C11orf65: variants seen among roughly 807,000 people sequenced by gnomAD.
C11orf65 encodes protein MFI.
Under a neutral mutation model 35.3 loss-of-function variants are expected in C11orf65, and 38 were observed. That is an observed-to-expected ratio of 1.08 (90% confidence interval 0.83 to 1.41). The LOEUF (loss-of-function observed/expected upper bound fraction) is 1.41. Ranked by LOEUF, C11orf65 falls within the 40% of genes most tolerant of loss-of-function variation. C11orf65 has a pLI of 0.00. For synonymous variants in C11orf65, 105 were observed against 114.4 expected (o/e 0.92, Z 0.53); for missense variants, 370 against 367.1 (o/e 1.01, Z -0.06).
intron 6 of C11orf65, among the ~76,000 whole-genome samples, chr11:108,403,563 T>G (rs777507253): frequency 6.6e-6 from 1 of 152,088 alleles, no homozygotes; most frequent in African/African-American, 2.4e-5. Flanking sequence ...TTCTATGTCC[T>G]CTTTAAAAAA....
intron 6 of C11orf65, among the ~76,000 whole-genome samples, chr11:108,401,913 T>C (rs1460350464): frequency 6.6e-6 from 1 of 152,226 alleles, no homozygotes; most frequent in Non-Finnish European, 1.5e-5. Flanking sequence ...GGCCAAAGCA[T>C]TAAATCCACA....
intron 6 of C11orf65, among the ~76,000 whole-genome samples, chr11:108,311,768 T>C (rs1177302171): frequency 1.3e-5 from 2 of 152,112 alleles, no homozygotes; most frequent in Non-Finnish European, 2.9e-5. Context: ...GTATCACTTA[T>C]GATAGTATTT....
In C11orf65 at chr11:108,335,049, T is replaced by A. The variant is rs756887364; in HGVS notation, c.299+171A>T. The A allele has an allele frequency of 1.2e-6, 2 of 1,614,084 alleles. No homozygotes were observed. Among genetic ancestry groups the A allele is most frequent in the Non-Finnish European group, 1.7e-6 (2 of 1,180,002 alleles). On this transcript the variant is annotated intron_variant, in intron 3 of 3. Transcript: ENST00000524755. ...AATTTCGCTTAGCAGGAGGTGTAAA[T>A]TTACCAAAAATAATAGATTGTGTAG...
At chr11:108,435,634 T>C (rs1269511390) in intron 2 of C11orf65, among the ~76,000 whole-genome samples, 1 of 151,956 alleles carries the variant, frequency 6.6e-6, no homozygotes, top group African/African-American at 2.4e-5. Flanking sequence ...GAATATGAAA[T>C]AGCTAGTGGA....
chr11:108,408,473 C>T (rs747144060), intron 3 of C11orf65, among the ~76,000 whole-genome samples: 4 of 151,498 alleles, frequency 2.6e-5, no homozygotes, highest in Admixed American at 6.6e-5. Flanking sequence ...TCAGGAGTTC[C>T]AAAGCCAGCC....
intron 2 of C11orf65, among the ~76,000 whole-genome samples, chr11:108,350,171 TAGTGG>T (rs1462910085): frequency 3.3e-5 from 5 of 152,196 alleles, no homozygotes; most frequent in African/African-American, 1.2e-4. Context: ...CCTAAATTTG[TAGTGG>T]AGCCAATAGG....
rs1555142824 is a variant in C11orf65 at position 108,353,800 on chromosome 11, T to C, written c.227-18508A>G. On this transcript the variant is annotated intron_variant, in intron 2 of 3. Transcript: ENST00000524755. ...TTGAACAGGGCAAAATCCTTCCTACTCCTGAGACAGTTCCTTTTAGACTCA... is the reference window on the plus strand; with the variant it reads ...TTGAACAGGGCAAAATCCTTCCTACCCCTGAGACAGTTCCTTTTAGACTCA... 6.2e-7 allele frequency: 1 copy of C among 1,614,154 alleles called. No homozygotes were observed. The highest frequency in any genetic ancestry group is 8.5e-7 in the Non-Finnish European group (1 of 1,180,000).
chr11:108,372,174 T>C (rs960542843), intron 2 of C11orf65, among the ~76,000 whole-genome samples: 2 of 151,288 alleles, frequency 1.3e-5, no homozygotes, highest in African/African-American at 4.9e-5. Context: ...CACTAAATTT[T>C]ATTCATTCAT....
chr11:108,353,725 A>T (rs2089482890), intron 2 of C11orf65: 2 of 1,465,244 alleles, frequency 1.4e-6, no homozygotes. Flanking sequence ...AAAGTAAATT[A>T]GCTGTCAAAC....
chr11:108,461,262 C>A (rs1468447201), intron 2 of C11orf65, among the ~76,000 whole-genome samples: 2 of 151,998 alleles, frequency 1.3e-5, no homozygotes. Context: ...ATTAGCCAAG[C>A]ATGGTGGTGC....
intron 3 of C11orf65, among the ~76,000 whole-genome samples, chr11:108,429,748 A>C (rs1253253167): frequency 1.3e-5 from 2 of 152,222 alleles, no homozygotes; most frequent in Non-Finnish European, 2.9e-5. Flanking sequence ...CCAAGTGTCC[A>C]TTGGTGGATG....
intron 3 of C11orf65, among the ~76,000 whole-genome samples, chr11:108,428,098 G>A (rs888290445): frequency 2.0e-5 from 3 of 151,734 alleles, no homozygotes; most frequent in African/African-American, 7.3e-5. Flanking sequence ...CAAAGTGCTG[G>A]GATTACAGGC....
intron 2 of C11orf65, among the ~76,000 whole-genome samples, chr11:108,449,290 G>A (rs138390555): frequency 0.61 from 92,336 of 150,678 alleles, 28,621 homozygotes; most frequent in Middle Eastern, 0.75. Flanking sequence ...ACTACTTTAA[G>A]GTTCATATGG....
At chr11:108,403,409 GT>G (rs71047691) in intron 6 of C11orf65, among the ~76,000 whole-genome samples, 1 of 67,310 alleles carries the variant, frequency 1.5e-5, no homozygotes, top group East Asian at 6.4e-4. Flanking sequence ...TGTTTGAGAG[GT>G]TTTTTTTTTG....
intron 2 of C11orf65, among the ~76,000 whole-genome samples, chr11:108,458,871 G>A (rs1405042637): frequency 6.6e-6 from 1 of 152,014 alleles, no homozygotes; most frequent in Admixed American, 6.6e-5. Context: ...AATGGAAAGT[G>A]GTATCTCACT....
chr11:108,334,202 T>A (rs527325769), intron 3 of C11orf65, among the ~76,000 whole-genome samples: 2 of 125,254 alleles, frequency 1.6e-5, no homozygotes, highest in Non-Finnish European at 3.6e-5. Flanking sequence ...ATCTTTCTTA[T>A]GAAGGTCTAT....
chr11:108,423,380 A>G (rs1960006), intron 3 of C11orf65, among the ~76,000 whole-genome samples: 65,512 of 151,982 alleles, frequency 0.43, 14,419 homozygotes, highest in Middle Eastern at 0.66. Flanking sequence ...GACCTGGGAC[A>G]CTGGAGTTTG....
chr11:108,422,938 G>A (rs968022345), intron 3 of C11orf65, among the ~76,000 whole-genome samples: 6 of 151,478 alleles, frequency 4.0e-5, no homozygotes, highest in Non-Finnish European at 8.8e-5. Flanking sequence ...TCAGTCCCAG[G>A]TGGACTGCAG....
chr11:108,445,228 G>A (rs2093234047), intron 2 of C11orf65, among the ~76,000 whole-genome samples: 1 of 152,184 alleles, frequency 6.6e-6, no homozygotes, highest in African/African-American at 2.4e-5. Flanking sequence ...AGACTTACAT[G>A]TCCCTGTCTG....
Sources: gnomAD v4.1 joint callset for allele counts (sites outside exome capture counted in the v4.1 genomes callset) on GRCh38, gnomAD v4.1.1 for gene constraint, MANE v1.5 for transcripts, NCBI Gene and HGNC (gene_info 2026-07-23, HGNC 2026-07-21) for gene names.